SPAG16: variants seen among roughly 807,000 people sequenced by gnomAD.
SPAG16 encodes sperm associated antigen 16, also known as sperm-associated antigen 16 protein.
Under a neutral mutation model 80.4 loss-of-function variants are expected in SPAG16, and 86 were observed. The ratio of observed to expected loss-of-function variants is 1.07; its 90% confidence interval spans 0.90 to 1.28. The LOEUF (loss-of-function observed/expected upper bound fraction) is 1.28, where lower values mean the gene tolerates loss of function less well. Ranked by LOEUF, SPAG16 falls within the 50% of genes most tolerant of loss-of-function variation. The pLI is 0.00. For missense variants in SPAG16, 870 were observed against 765.3 expected (o/e 1.14, Z -1.61); for synonymous variants, 294 against 265.9 (o/e 1.11, Z -1.03).
intron 11 of SPAG16, among the ~76,000 whole-genome samples, chr2:213,910,389 C>G (rs1341738146): frequency 6.6e-6 from 1 of 151,200 alleles, no homozygotes; most frequent in Non-Finnish European, 1.5e-5. Context: ...GCAAACAAAA[C>G]AAAACAAAAG....
intron 15 of SPAG16, among the ~76,000 whole-genome samples, chr2:214,222,265 C>T (rs2058596728): frequency 6.6e-6 from 1 of 151,874 alleles, no homozygotes; most frequent in Non-Finnish European, 1.5e-5. Context: ...TACAGGCACC[C>T]ACCACTATGC....
intron 12 of SPAG16, among the ~76,000 whole-genome samples, chr2:213,947,802 GCA>G (rs910350768): frequency 2.0e-5 from 3 of 152,080 alleles, no homozygotes; most frequent in Non-Finnish European, 4.4e-5. Context: ...ACTGATCTAT[GCA>G]CAGTCTTTCA....
chr2:213,462,457 G>T (rs1559156503), intron 9 of SPAG16, among the ~76,000 whole-genome samples: 2 of 151,516 alleles, frequency 1.3e-5, no homozygotes, highest in Non-Finnish European at 2.9e-5. Flanking sequence ...TCACATGTTA[G>T]TTGGGGGTTT....
intron 12 of SPAG16, among the ~76,000 whole-genome samples, chr2:213,949,169 G>GTTTTTTTTTTTTTTTTTTTGTTTTTT (rs2079600316): frequency 5.3e-5 from 3 of 56,740 alleles, no homozygotes; most frequent in African/African-American, 1.0e-4. Flanking sequence ...AATTACAACA[G>GTTTTTTTTTTTTTTTTTTTGTTTTTT]TTTTTTTTTT....
At chr2:213,661,041 C>T (rs2063408008) in intron 10 of SPAG16, among the ~76,000 whole-genome samples, 1 of 152,130 alleles carries the variant, frequency 6.6e-6, no homozygotes, top group Non-Finnish European at 1.5e-5. Context: ...TCGTAGCCCC[C>T]ACTGCCTGGT....
At chr2:213,814,967 A>C (rs1220160107) in intron 10 of SPAG16, among the ~76,000 whole-genome samples, 1 of 152,056 alleles carries the variant, frequency 6.6e-6, no homozygotes, top group Non-Finnish European at 1.5e-5. Context: ...TTATAGTAGG[A>C]GACTTTAACA....
At chr2:213,584,896 G>A (rs2060414241) in intron 10 of SPAG16, among the ~76,000 whole-genome samples, 1 of 152,090 alleles carries the variant, frequency 6.6e-6, no homozygotes, top group African/African-American at 2.4e-5. Context: ...TTTTTAAAAT[G>A]TCTTGAATGA....
intron 15 of SPAG16, among the ~76,000 whole-genome samples, chr2:214,224,983 G>A (rs1398498418): frequency 6.6e-6 from 1 of 152,076 alleles, no homozygotes; most frequent in East Asian, 1.9e-4. Context: ...AGAAGAGATT[G>A]GATTGCTAAC....
intron 9 of SPAG16, among the ~76,000 whole-genome samples, chr2:213,412,821 A>T (rs1259706851): frequency 6.6e-6 from 1 of 152,228 alleles, no homozygotes; most frequent in Admixed American, 6.5e-5. Context: ...GATAGATCCT[A>T]GGAGTAGAGG....
At chr2:213,741,840 G>C (rs534550389) in intron 10 of SPAG16, among the ~76,000 whole-genome samples, 1 of 152,058 alleles carries the variant, frequency 6.6e-6, no homozygotes, top group Non-Finnish European at 1.5e-5. Context: ...AATTAAACCT[G>C]TATCATTTTG....
At chr2:213,940,353 C>T (rs1480997715) in intron 12 of SPAG16, among the ~76,000 whole-genome samples, 1 of 152,152 alleles carries the variant, frequency 6.6e-6, no homozygotes, top group Non-Finnish European at 1.5e-5. Context: ...GTGGTACAAT[C>T]ATAGCTCACT....
At chr2:213,551,982 A>G (rs1478909872) in intron 10 of SPAG16, among the ~76,000 whole-genome samples, 1 of 152,102 alleles carries the variant, frequency 6.6e-6, no homozygotes, top group Non-Finnish European at 1.5e-5. Flanking sequence ...ACTTGTCTAA[A>G]TCTGCCTCCA....
intron 10 of SPAG16, among the ~76,000 whole-genome samples, chr2:213,640,145 G>A (rs959992306): frequency 1.3e-4 from 19 of 151,718 alleles, no homozygotes; most frequent in Non-Finnish European, 2.8e-4. Flanking sequence ...TCCATATTCT[G>A]TTTTTAAGTT....
At chr2:213,608,291 A>C (rs966279029) in intron 10 of SPAG16, among the ~76,000 whole-genome samples, 1 of 152,136 alleles carries the variant, frequency 6.6e-6, no homozygotes, top group African/African-American at 2.4e-5. Context: ...GTCATTTAGC[A>C]TTAGGTATAT....
intron 15 of SPAG16, among the ~76,000 whole-genome samples, chr2:214,179,831 A>T (rs983561453): frequency 6.6e-6 from 1 of 151,534 alleles, no homozygotes; most frequent in African/African-American, 2.4e-5. Context: ...TTCAAATCAT[A>T]CTGAACATTA....
chr2:213,859,178 CAAAAAAAAAAAAAAAAAAA>C (rs1165853142), intron 10 of SPAG16, among the ~76,000 whole-genome samples: 2 of 9,368 alleles, frequency 2.1e-4, no homozygotes, highest in African/African-American at 9.9e-4. Flanking sequence ...CACTCCGTCT[CAAAAAAAAAAAAAAAAAAA>C]AAAAAAAAAA....
chr2:213,444,615 A>G (rs1167842762), intron 9 of SPAG16, among the ~76,000 whole-genome samples: 1 of 152,226 alleles, frequency 6.6e-6, no homozygotes, highest in African/African-American at 2.4e-5. Flanking sequence ...CATCTAATCC[A>G]TGGACATGAG....
At chr2:213,489,061 C>T (rs1035077405) in intron 9 of SPAG16, among the ~76,000 whole-genome samples, 1 of 136,226 alleles carries the variant, frequency 7.3e-6, no homozygotes, top group African/African-American at 2.7e-5. Context: ...GGCAACAAAG[C>T]GAGACTCCAT....
chr2:213,289,294 T>G (rs2062177939), intron 1 of SPAG16, among the ~76,000 whole-genome samples: 1 of 152,212 alleles, frequency 6.6e-6, no homozygotes, highest in South Asian at 2.1e-4. Flanking sequence ...GGCTTAGAAG[T>G]TGGAAAGACT....
Sources: allele counts gnomAD v4.1 joint callset (sites outside exome capture counted in the v4.1 genomes callset), GRCh38; gene constraint gnomAD v4.1.1; transcripts MANE v1.5; gene names NCBI Gene and HGNC (gene_info 2026-07-23, HGNC 2026-07-21).